Variants in HTR2B observed in about 807,000 individuals in gnomAD.
The protein encoded by HTR2B is 5-HT 2B receptor.
A neutral mutation model predicts 39.8 loss-of-function variants in HTR2B; 31 were observed. That is an observed-to-expected ratio of 0.78 (90% CI 0.58 to 1.05). The LOEUF is 1.05. HTR2B is among the 50% of genes least tolerant of loss of function. The pLI, the probability that HTR2B is intolerant of heterozygous loss-of-function variation, is 0.00. For synonymous variants in HTR2B, 210 were observed against 207.1 expected (o/e 1.01, Z -0.12); for missense variants, 562 against 578.0 (o/e 0.97, Z 0.28).
intron 3 of HTR2B, among the ~76,000 whole-genome samples, chr2:231,111,312 T>C (rs1396204039): frequency 6.6e-6 from 1 of 152,230 alleles, no homozygotes; most frequent in Non-Finnish European, 1.5e-5. Flanking sequence ...AGAGAACTTC[T>C]GTTTCCTGTT....
At position 231,124,007 on chromosome 2, in the gene HTR2B, C is replaced by T. The variant is rs1444764810; in HGVS notation, c.-243G>A. 1 of 479,140 alleles carries T rather than the reference C, an allele frequency of 2.1e-6. No homozygotes were observed. The highest frequency in any genetic ancestry group is 1.9e-5 in the African/African-American group (1 of 51,414). The allele number at this position is 479,140 out of a possible 1,614,324, so 29.7% of individuals were successfully genotyped here. ...TTCTAGAGGCTTAAATTTAGGAAAG[C>T]TCAGTGAAAGAAACTGATAGCTGTG... On this transcript the variant is annotated 5_prime_UTR_variant, in exon 2 of 4. Coordinates refer to ENST00000258400, the MANE Select transcript of HTR2B (RefSeq NM_000867.5).
Position 231,124,127 on chromosome 2 carries a change from C to G in HTR2B, c.-363G>C, listed in dbSNP as rs752694779. The G allele has an allele frequency of 2.4e-5, 6 of 251,600 alleles. No individual in the cohort carries two copies. Among genetic ancestry groups the G allele is most frequent in the Admixed American group, 5.0e-5 (1 of 20,128 alleles). 15.6% of individuals were successfully genotyped at this position (251,600 alleles called of 1,614,324 possible). A position where few individuals can be genotyped will look rare whatever the true frequency, so the allele number is the denominator to read the frequency against. ...GTTTGAACTTGCATGCCAGAGAGTT[C>G]CCCCTAGATACAAAATACATAGACT... On this transcript the variant is annotated 5_prime_UTR_variant, in exon 2 of 4. Coordinates refer to ENST00000258400, the MANE Select transcript of HTR2B (RefSeq NM_000867.5).
In HTR2B at chr2:231,123,686, T is replaced by C; in HGVS notation, c.79A>G (p.Ile27Val). The change falls in exon 2 of 4, where the codon ATC (isoleucine) becomes GTC (valine). Residue 27 changes from isoleucine to valine, a missense_variant. By Grantham distance (29) the Ile-to-Val change is conservative (BLOSUM62 3). Transcript: ENST00000258400. ...HILQSTFVHVISSNWSGLQTE... is the reference protein window; with the variant it reads ...HILQSTFVHVVSSNWSGLQTE... ...TGTAATCCAGACCAGTTAGAAGAGA[T>C]AACGTGAACAAAGGTGCTCTGCAAA... 1 of 1,614,104 alleles carries C rather than the reference T, an allele frequency of 6.2e-7. No homozygotes were observed. Among genetic ancestry groups the C allele is most frequent in the South Asian group, 1.1e-5 (1 of 91,086 alleles).
Position 231,109,350 on chromosome 2 carries a change from T to C in HTR2B, c.613A>G (p.Ile205Val), listed in dbSNP as rs757540044. 1 of 1,614,108 alleles carries C rather than the reference T, an allele frequency of 6.2e-7. No individual in the cohort carries two copies. The highest frequency in any genetic ancestry group is 2.2e-5 in the East Asian group (1 of 44,882). The part of the protein sequence containing the change: ...IETDVDNPNN[I>V]TCVLTKERFG... ...CGTTCCTTTGTCAGCACACAAGTGATATTGTTTGGGTTGTCCACATCAGTC... is the reference window on the plus strand; with the variant it reads ...CGTTCCTTTGTCAGCACACAAGTGACATTGTTTGGGTTGTCCACATCAGTC... Residue 205 changes from isoleucine to valine, a missense_variant, in exon 4 of 4, where the codon ATC becomes GTC. Ile to Val is a conservative substitution (Grantham distance 29). Transcript: ENST00000258400.
Position 231,108,453 on chromosome 2 carries a change from G to A in HTR2B, c.*64C>T. 8.6e-7 allele frequency: 1 copy of A among 1,168,580 alleles called. No homozygotes were observed. 72.4% of individuals were successfully genotyped at this position (1,168,580 alleles called of 1,614,324 possible). A position where few individuals can be genotyped will look rare whatever the true frequency, so the allele number is the denominator to read the frequency against. ...AAAATTCTTTATATAATATATTCTT[G>A]GCACATTTACATCTCATTCATCATC... On this transcript the variant is annotated 3_prime_UTR_variant, in exon 4 of 4. Transcript: ENST00000258400.
chr2:231,121,077 A>T (rs904695325), intron 2 of HTR2B, among the ~76,000 whole-genome samples: 1 of 152,170 alleles, frequency 6.6e-6, no homozygotes, highest in African/African-American at 2.4e-5. Context: ...ACATTTTTTC[A>T]TAGAAATTGA....
chr2:231,117,869 G>A (rs1695396740), intron 2 of HTR2B, among the ~76,000 whole-genome samples: 1 of 152,050 alleles, frequency 6.6e-6, no homozygotes, highest in African/African-American at 2.4e-5. Context: ...TGTCCCTAGG[G>A]GGGAAAAAAT....
intron 2 of HTR2B, 125 bp downstream of exon 2, chr2:231,123,288 C>T (rs1455529087): frequency 6.5e-6 from 5 of 763,726 alleles, no homozygotes; most frequent in South Asian, 1.5e-5. Flanking sequence ...GTTTACTTGC[C>T]GTATCTTTAA....
intron 2 of HTR2B, among the ~76,000 whole-genome samples, chr2:231,122,052 T>C (rs1156830293): frequency 6.6e-6 from 1 of 152,160 alleles, no homozygotes; most frequent in Non-Finnish European, 1.5e-5. Context: ...ATGTTCTCTA[T>C]TATAGTAAGA....
chr2:231,123,938 C>T lies in HTR2B; in HGVS notation c.-174G>A. ...GTTCTCTAAAATGAGCGCATACACA[C>T]ATCTGTCCATGTTTGTAGGTAAGAT... On this transcript the variant is annotated 5_prime_UTR_variant, in exon 2 of 4. The change creates a new upstream start codon in the 5' untranslated region. Coordinates refer to ENST00000258400, the MANE Select transcript of HTR2B (RefSeq NM_000867.5). 4 of 643,920 alleles carry T rather than the reference C, an allele frequency of 6.2e-6. No individual in the cohort carries two copies. Among genetic ancestry groups the T allele is most frequent in the South Asian group, 3.4e-5 (2 of 59,098 alleles). The allele number at this position is 643,920 out of a possible 1,614,324, so 39.9% of individuals were successfully genotyped here. A position where few individuals can be genotyped will look rare whatever the true frequency, so the allele number is the denominator to read the frequency against.
chr2:231,123,620 C>T lies in HTR2B; in HGVS notation c.145G>A (p.Glu49Lys), dbSNP rs751825504. 26 of 1,613,972 alleles carry T rather than the reference C, an allele frequency of 1.6e-5. No individual in the cohort carries two copies. In the African/African-American group the frequency reaches 2.9e-4, roughly 18 times the overall value. Residue 49 changes from glutamate to lysine, a missense_variant, in exon 2 of 4, where the codon GAA (glutamate) becomes AAA (lysine). Glu to Lys is a moderately conservative substitution (Grantham distance 56). Transcript: ENST00000258400. Reference sequence around the variant, plus strand: ...GCCCAGTGCAGTTTATTTCCCTGTTCCTCAACAATCTGTTTCATTTCCTCT... The same window carrying T: ...GCCCAGTGCAGTTTATTTCCCTGTTTCTCAACAATCTGTTTCATTTCCTCT... ...IPEEMKQIVE[E>K]QGNKLHWAAL...
rs1695078343 is a variant in HTR2B at position 231,109,324 on chromosome 2, A to G, written c.639T>C (p.Arg213=). The G allele has an allele frequency of 6.2e-7, 1 of 1,613,942 alleles. No homozygotes were observed. Among genetic ancestry groups the G allele is most frequent in the Admixed American group, 1.7e-5 (1 of 60,002 alleles). Residue 213 remains arginine, a synonymous_variant, in exon 4 of 4, where the codon CGT becomes CGC. Transcript: ENST00000258400. ...NNITCVLTKE[R]FGDFMLFGSL... ...AGCCAAAGAGCATGAAATCGCCAAA[A>G]CGTTCCTTTGTCAGCACACAAGTGA...
chr2:231,120,683 T>C lies in HTR2B; in HGVS notation c.352+2730A>G, dbSNP rs1306277779. Among the ~76,000 whole-genome samples the C allele has an allele frequency of 2.0e-5, 3 of 152,340 alleles. No individual in the cohort carries two copies. In the East Asian group the frequency reaches 5.8e-4, roughly 29 times the overall value. On this transcript the variant is annotated intron_variant, in intron 2 of 3. Coordinates refer to ENST00000258400, the MANE Select transcript of HTR2B (RefSeq NM_000867.5). ...CCACTTTTATATTTTACTGCTCTTA[T>C]TTTTAAAATTTCATTTTATTAGACT...
chr2:231,109,331 T>C lies in HTR2B; in HGVS notation c.632A>G (p.Lys211Arg), dbSNP rs147673804. The C allele has an allele frequency of 1.4e-5, 23 of 1,614,046 alleles. No individual in the cohort carries two copies. Among genetic ancestry groups the C allele is most frequent in the Non-Finnish European group, 1.9e-5 (22 of 1,179,952 alleles). Residue 211 changes from lysine to arginine, a missense_variant, in exon 4 of 4, where the codon AAG (lysine) becomes AGG (arginine). Coordinates refer to ENST00000258400, the MANE Select transcript of HTR2B (RefSeq NM_000867.5). Reference protein sequence around the residue: ...NPNNITCVLTKERFGDFMLFG... With the variant: ...NPNNITCVLTRERFGDFMLFG... ...GAGCATGAAATCGCCAAAACGTTCC[T>C]TTGTCAGCACACAAGTGATATTGTT...
chr2:231,109,856 G>C (rs1045522381), intron 3 of HTR2B, among the ~76,000 whole-genome samples: 2 of 152,118 alleles, frequency 1.3e-5, no homozygotes, highest in Non-Finnish European at 2.9e-5. Context: ...TTTTGTCTTT[G>C]AGGTTACAGT....
At position 231,109,215 on chromosome 2, in the gene HTR2B, A is replaced by C. The variant is rs778435492; in HGVS notation, c.748T>G (p.Leu250Val). 3.1e-6 allele frequency: 5 copies of C among 1,614,096 alleles called. No homozygotes were observed. The highest frequency in any genetic ancestry group is 1.7e-5 in the Admixed American group (1 of 59,998). The stretch of plus-strand genomic sequence containing the variant: ...CGTTGAGGTGGCTTGTTTTTGACTA[A>C]GTAAGCCTTCTTCTGTAAAGCATGG... ...TIHALQKKAY[L>V]VKNKPPQRLT... The change falls in exon 4 of 4, where the codon TTA (leucine) becomes GTA (valine). Residue 250 changes from leucine to valine, a missense_variant. By Grantham distance (32) the Leu-to-Val change is conservative (BLOSUM62 1). Transcript: ENST00000258400.
rs1574743453 is a variant in HTR2B at position 231,115,673 on chromosome 2, A to G, written c.353-1744T>C. On this transcript the variant is annotated intron_variant, in intron 2 of 3. Coordinates refer to ENST00000258400, the MANE Select transcript of HTR2B (RefSeq NM_000867.5). ...CCTTAGAGATTACCATTGATCTTGC[A>G]GATGAGTAAATTCAGGTATAATTAA... 3.3e-5 allele frequency among the ~76,000 whole-genome samples: 5 copies of G among 152,200 alleles called. No homozygotes were observed. In the East Asian group the frequency reaches 9.6e-4, roughly 29 times the overall value.
At chr2:231,122,832 G>A (rs1695592411) in intron 2 of HTR2B, among the ~76,000 whole-genome samples, 1 of 152,080 alleles carries the variant, frequency 6.6e-6, no homozygotes, top group South Asian at 2.1e-4. Flanking sequence ...GACACTCTGA[G>A]CCAAACCATT....
intron 2 of HTR2B, among the ~76,000 whole-genome samples, chr2:231,115,675 A>G (rs940234302): frequency 6.6e-6 from 1 of 152,158 alleles, no homozygotes; most frequent in Admixed American, 6.5e-5. Flanking sequence ...GATCTTGCAG[A>G]TGAGTAAATT....
Sources: gnomAD v4.1 joint callset for allele counts (sites outside exome capture counted in the v4.1 genomes callset) on GRCh38, gnomAD v4.1.1 for gene constraint, MANE v1.5 for transcripts, NCBI Gene and HGNC (gene_info 2026-07-23, HGNC 2026-07-21) for gene names.